CDC25A: variants seen among roughly 807,000 people sequenced by gnomAD.
CDC25A encodes M-phase inducer phosphatase 1.
CDC25A carries 17 observed loss-of-function variants against 64.6 expected under a neutral mutation model. The ratio of observed to expected loss-of-function variants is 0.26; its 90% CI spans 0.18 to 0.39. CDC25A has a LOEUF of 0.39. CDC25A is among the 10% of genes least tolerant of loss of function. The probability of loss-of-function intolerance (pLI) is 1.00; values close to 1 mark genes in which losing one functional copy is unlikely to be tolerated. For missense variants in CDC25A, 473 were observed against 654.8 expected, an observed-to-expected ratio of 0.72 and a Z score of 3.03; for synonymous variants, 229 against 238.6, an observed-to-expected ratio of 0.96 and a Z score of 0.37.
chr3:48,173,120 AAGCAGG>A (rs1430078251), intron 9 of CDC25A, among the ~76,000 whole-genome samples: 1 of 151,300 alleles, frequency 6.6e-6, no homozygotes, highest in Non-Finnish European at 1.5e-5. Flanking sequence ...TGGGAGGCTG[AAGCAGG>A]AGAATGGCAT....
At chr3:48,187,631 C>T in intron 1 of CDC25A, 147 bp downstream of exon 1, 1 of 748,466 alleles carries the variant, frequency 1.3e-6, no homozygotes, top group East Asian at 3.3e-5. Flanking sequence ...CGGGGGTGCA[C>T]ATGGCAGGCC....
intron 6 of CDC25A, among the ~76,000 whole-genome samples, chr3:48,178,408 T>C (rs2032544050): frequency 6.8e-6 from 1 of 147,938 alleles, no homozygotes; most frequent in Non-Finnish European, 1.5e-5. Context: ...AATGCACTTA[T>C]ATATAACTCC....
chr3:48,179,460 C>A (rs182678345), intron 6 of CDC25A, among the ~76,000 whole-genome samples: 56 of 152,306 alleles, frequency 3.7e-4, no homozygotes, highest in Non-Finnish European at 6.6e-4. Flanking sequence ...GCCTCGAATT[C>A]TTGGGCTCAA....
chr3:48,162,422 G>A (rs907122647), intron 13 of CDC25A, among the ~76,000 whole-genome samples: 6 of 151,900 alleles, frequency 3.9e-5, no homozygotes, highest in African/African-American at 9.7e-5. Flanking sequence ...GTAGAGGTGT[G>A]GTCCCACTGT....
chr3:48,184,272 G>C (rs1180705488), intron 3 of CDC25A, among the ~76,000 whole-genome samples: 4 of 152,094 alleles, frequency 2.6e-5, no homozygotes, highest in Admixed American at 6.5e-5. Flanking sequence ...TGAGGCAGGA[G>C]AATCAGTTGA....
At position 48,157,810 on chromosome 3, in the gene CDC25A, TCTC is replaced by T. The variant is rs527790569; in HGVS notation, c.*1132_*1134del. On this transcript the variant is annotated 3_prime_UTR_variant, in exon 15 of 15. Coordinates refer to ENST00000302506, the MANE Select transcript of CDC25A (RefSeq NM_001789.3). The stretch of plus-strand genomic sequence containing the variant: ...ATGTCCATGCCAGCACCCACTCCCT[TCTC>T]CTAATGCCCAGGGCTTCCAGCCCCT... 8 of 152,762 alleles carry T rather than the reference TCTC, an allele frequency of 5.2e-5. 1 individual carries two copies. In the South Asian group the frequency reaches 1.5e-3, roughly 28 times the overall value. The allele number at this position is 152,762 out of a possible 1,614,324, so 9.5% of individuals were successfully genotyped here.
chr3:48,168,679 G>A (rs1157725017), intron 9 of CDC25A, among the ~76,000 whole-genome samples: 1 of 149,550 alleles, frequency 6.7e-6, no homozygotes, highest in Non-Finnish European at 1.5e-5. Flanking sequence ...AGGCTGGAGT[G>A]CAGTGGAGTA....
intron 8 of CDC25A, among the ~76,000 whole-genome samples, chr3:48,175,804 T>C (rs574272648): frequency 5.2e-4 from 79 of 152,342 alleles, no homozygotes; most frequent in African/African-American, 1.4e-3. Context: ...CTCATAACAT[T>C]TGTACTGCGT....
chr3:48,159,142 G>A, intron 14 of CDC25A, 57 bp from the exon 15 acceptor site: 2 of 1,590,034 alleles, frequency 1.3e-6, no homozygotes, highest in Non-Finnish European at 1.7e-6. Flanking sequence ...CCACAACCTG[G>A]TTTCCTCTCT....
At chr3:48,186,893 G>A in intron 1 of CDC25A, 114 bp from the exon 2 acceptor site, 1 of 687,264 alleles carries the variant, frequency 1.5e-6, no homozygotes, top group Admixed American at 2.4e-5. Flanking sequence ...ACCATTTCTA[G>A]GCCACACCAC....
intron 13 of CDC25A, among the ~76,000 whole-genome samples, chr3:48,160,265 A>T (rs2031695146): frequency 6.6e-6 from 1 of 152,014 alleles, no homozygotes; most frequent in Non-Finnish European, 1.5e-5. Flanking sequence ...GGCGCGTGCC[A>T]CCGCCCAGCT....
At chr3:48,176,167 T>C (rs3731515) in intron 8 of CDC25A, among the ~76,000 whole-genome samples, 32,047 of 152,192 alleles carry the variant, frequency 0.21, 4,308 homozygotes, top group Non-Finnish European at 0.3. Flanking sequence ...AGGGAGACTC[T>C]GTCTCAAAAA....
rs1372216828 is a variant in CDC25A, at chr3:48,157,684, T to C, written c.*1261A>G. 6.6e-6 allele frequency: 1 copy of C among 152,604 alleles called. No homozygotes were observed. Among genetic ancestry groups the C allele is most frequent in the Non-Finnish European group, 1.5e-5 (1 of 68,012 alleles). The allele number at this position is 152,604 out of a possible 1,614,324, so 9.5% of individuals were successfully genotyped here. On this transcript the variant is annotated 3_prime_UTR_variant, in exon 15 of 15. Coordinates refer to ENST00000302506, the MANE Select transcript of CDC25A (RefSeq NM_001789.3). Reference sequence around the variant, plus strand: ...AGTTAGATAAGGGGACAACCGGTGATGATTCATCACTCCCTGTCTCTAAAA... The same window carrying C: ...AGTTAGATAAGGGGACAACCGGTGACGATTCATCACTCCCTGTCTCTAAAA...
chr3:48,162,425 C>A (rs2031812872), intron 13 of CDC25A, among the ~76,000 whole-genome samples: 1 of 151,912 alleles, frequency 6.6e-6, no homozygotes, highest in Non-Finnish European at 1.5e-5. Context: ...GAGGTGTGGT[C>A]CCACTGTGTT....
chr3:48,172,578 C>A (rs553058376), intron 9 of CDC25A, among the ~76,000 whole-genome samples: 151 of 152,282 alleles, frequency 9.9e-4, no homozygotes, highest in Admixed American at 2.1e-3. Flanking sequence ...ACTAGCTCAC[C>A]CATGCCAGGT....
intron 1 of CDC25A, among the ~76,000 whole-genome samples, chr3:48,187,352 G>A (rs1272437309): frequency 2.0e-5 from 3 of 152,344 alleles, no homozygotes; most frequent in Middle Eastern, 3.4e-3. Flanking sequence ...GAAAGAAAAT[G>A]CCATGGTCCT....
chr3:48,169,028 T>C (rs755255727), intron 9 of CDC25A, among the ~76,000 whole-genome samples: 3 of 152,196 alleles, frequency 2.0e-5, no homozygotes, highest in Non-Finnish European at 4.4e-5. Flanking sequence ...GGATAATACT[T>C]GTAATACACA....
chr3:48,187,459 C>T (rs3731488), intron 1 of CDC25A, among the ~76,000 whole-genome samples: 1 of 152,216 alleles, frequency 6.6e-6, no homozygotes, highest in East Asian at 1.9e-4. Context: ...ATTTTCCCCG[C>T]GGGGGTAGAT....
At chr3:48,173,946 C>G (rs1264708365) in intron 9 of CDC25A, among the ~76,000 whole-genome samples, 1 of 152,174 alleles carries the variant, frequency 6.6e-6, no homozygotes, top group Non-Finnish European at 1.5e-5. Context: ...CTTAAAAATG[C>G]TTCAACAGGC....
Sources: gnomAD v4.1 joint callset for allele counts (sites outside exome capture counted in the v4.1 genomes callset) on GRCh38, gnomAD v4.1.1 for gene constraint, MANE v1.5 for transcripts, NCBI Gene and HGNC (gene_info 2026-07-23, HGNC 2026-07-21) for gene names.